DLGAP1: variants seen among roughly 807,000 people sequenced by gnomAD.
The protein encoded by DLGAP1 is disks large-associated protein 1.
Under a neutral mutation model 90.8 loss-of-function variants are expected in DLGAP1, and 11 were observed. The ratio of observed to expected loss-of-function variants is 0.12; its 90% CI spans 0.08 to 0.20. DLGAP1 has a LOEUF of 0.20. Among genes scored for constraint, DLGAP1 ranks in the 10% least tolerant of loss-of-function variants. The pLI, the probability that DLGAP1 is intolerant of heterozygous loss-of-function variation, is 1.00. For synonymous variants in DLGAP1, 558 were observed against 540.7 expected (o/e 1.03, Z -0.44); for missense variants, 1,050 against 1,333.8 (o/e 0.79, Z 3.31).
intron 5 of DLGAP1, among the ~76,000 whole-genome samples, chr18:3,804,766 T>C (rs1389878259): frequency 6.6e-6 from 1 of 152,252 alleles, no homozygotes; most frequent in Non-Finnish European, 1.5e-5. Context: ...CGTTAGCATT[T>C]GTTCAACATC....
chr18:4,267,159 A>G (rs1207715645), intron 1 of DLGAP1, among the ~76,000 whole-genome samples: 4 of 151,752 alleles, frequency 2.6e-5, no homozygotes, highest in Admixed American at 2.0e-4. Context: ...CTGAAGACCA[A>G]TATTTGTTTC....
intron 4 of DLGAP1, among the ~76,000 whole-genome samples, chr18:3,826,779 G>T (rs1298467707): frequency 6.6e-6 from 1 of 152,162 alleles, no homozygotes; most frequent in African/African-American, 2.4e-5. Context: ...AGAGAATCAC[G>T]CAGGTTGCTA....
At chr18:4,425,994 C>T (rs1037182965) in intron 1 of DLGAP1, among the ~76,000 whole-genome samples, 15 of 151,792 alleles carry the variant, frequency 9.9e-5, no homozygotes, top group Admixed American at 2.0e-4. Flanking sequence ...ATTGTGCAGG[C>T]TTTTTTTTTC....
chr18:4,067,631 C>G (rs1401090314), intron 2 of DLGAP1, among the ~76,000 whole-genome samples: 1 of 151,472 alleles, frequency 6.6e-6, no homozygotes, highest in Non-Finnish European at 1.5e-5. Context: ...ATGACCTATT[C>G]TCTCTGAAAC....
intron 1 of DLGAP1, among the ~76,000 whole-genome samples, chr18:4,182,645 G>A (rs970332993): frequency 5.3e-5 from 8 of 151,980 alleles, no homozygotes; most frequent in Non-Finnish European, 4.4e-5. Flanking sequence ...ATAAACTTCT[G>A]TTTGTTTTTC....
chr18:4,151,288 C>T lies in DLGAP1; in HGVS notation c.-266-1G>A, dbSNP rs1472119257. On this transcript the variant is annotated splice_acceptor_variant, in intron 1 of 12. Coordinates refer to ENST00000315677, the MANE Select transcript of DLGAP1 (RefSeq NM_004746.4). LOFTEE classifies it low-confidence loss of function (5UTR_SPLICE). The stretch of plus-strand genomic sequence containing the variant: ...TCTGGGTATCTGATGTTCAACTGCT[C>T]TGAAACATAACAATGCAATAATTAG... The T allele has an allele frequency of 6.6e-6, 1 of 152,016 alleles. No homozygotes were observed. Among genetic ancestry groups the T allele is most frequent in the East Asian group, 1.9e-4 (1 of 5,180 alleles). 9.4% of individuals were successfully genotyped at this position (152,016 alleles called of 1,614,324 possible).
chr18:3,920,352 C>CCAA (rs368825742), intron 3 of DLGAP1, among the ~76,000 whole-genome samples: 1 of 75,536 alleles, frequency 1.3e-5, no homozygotes, highest in Non-Finnish European at 2.4e-5. Context: ...AGACTCTGTC[C>CCAA]AAAAAAAAAA....
At chr18:4,106,031 CAAAAAA>C (rs60176243) in intron 2 of DLGAP1, among the ~76,000 whole-genome samples, 5 of 102,272 alleles carry the variant, frequency 4.9e-5, no homozygotes, top group East Asian at 3.3e-4. Context: ...GGGTCCGTCT[CAAAAAA>C]AAAAAAAAAA....
chr18:4,053,818 T>C (rs554437848), intron 2 of DLGAP1, among the ~76,000 whole-genome samples: 3 of 152,344 alleles, frequency 2.0e-5, no homozygotes, highest in Admixed American at 6.5e-5. Context: ...ACCTTGTTTC[T>C]GGAATTATGG....
chr18:3,523,672 C>T (rs768172873), intron 10 of DLGAP1, among the ~76,000 whole-genome samples: 103 of 151,848 alleles, frequency 6.8e-4, no homozygotes, highest in Non-Finnish European at 1.2e-3. Context: ...ACGGTGAAAC[C>T]CCGTCTCTAC....
intron 5 of DLGAP1, among the ~76,000 whole-genome samples, chr18:3,780,901 C>T (rs767471982): frequency 2.2e-4 from 33 of 152,082 alleles, no homozygotes; most frequent in Non-Finnish European, 3.8e-4. Context: ...CCTCGAATTC[C>T]TGGGCTCAAG....
intron 7 of DLGAP1, among the ~76,000 whole-genome samples, chr18:3,712,660 A>G (rs1358670757): frequency 1.3e-5 from 2 of 152,118 alleles, no homozygotes; most frequent in Non-Finnish European, 2.9e-5. Flanking sequence ...ATTACTGGGG[A>G]GCTTGTCAAG....
intron 2 of DLGAP1, among the ~76,000 whole-genome samples, chr18:4,118,666 T>TGGGGG (rs2076102167): frequency 1.8e-5 from 1 of 55,692 alleles, no homozygotes; most frequent in Non-Finnish European, 3.6e-5. Flanking sequence ...GGAGCTGGGG[T>TGGGGG]GGTGGTGGGA....
intron 2 of DLGAP1, among the ~76,000 whole-genome samples, chr18:4,009,625 T>C (rs2074378092): frequency 6.6e-6 from 1 of 152,216 alleles, no homozygotes; most frequent in South Asian, 2.1e-4. Flanking sequence ...GTTCTCTTCC[T>C]CCTTTGTTGC....
At chr18:3,755,176 C>G (rs2063670337) in intron 5 of DLGAP1, among the ~76,000 whole-genome samples, 1 of 151,444 alleles carries the variant, frequency 6.6e-6, no homozygotes, top group Non-Finnish European at 1.5e-5. Context: ...GATTTTTTCA[C>G]TAGAAAAAAT....
rs116955359 is a variant in DLGAP1 at position 3,959,969 on chromosome 18, T to C, written c.-73+45147A>G. 9.7e-3 allele frequency among the ~76,000 whole-genome samples: 1,478 copies of C among 152,322 alleles called. 17 individuals carry two copies. Among genetic ancestry groups the C allele is most frequent in the South Asian group, 0.051 (245 of 4,822 alleles). On this transcript the variant is annotated intron_variant, in intron 3 of 12. Coordinates refer to ENST00000315677, the MANE Select transcript of DLGAP1 (RefSeq NM_004746.4). ...AGCTTCTTTTCAAGAGCTCAACAGC[T>C]GCACATGACCAGTAGATAATACATT...
chr18:3,801,077 G>A (rs1263733453), intron 5 of DLGAP1, among the ~76,000 whole-genome samples: 3 of 152,118 alleles, frequency 2.0e-5, no homozygotes, highest in East Asian at 1.9e-4. Context: ...GGGAGCAAGA[G>A]GGTGGGGAGG....
intron 1 of DLGAP1, among the ~76,000 whole-genome samples, chr18:4,321,739 A>T (rs1038719151): frequency 6.6e-6 from 1 of 152,236 alleles, no homozygotes; most frequent in African/African-American, 2.4e-5. Flanking sequence ...TTTATCAGTT[A>T]AGACATTTCT....
At chr18:3,741,234 C>T (rs1380082730) in intron 6 of DLGAP1, among the ~76,000 whole-genome samples, 1 of 126,896 alleles carries the variant, frequency 7.9e-6, no homozygotes, top group African/African-American at 3.2e-5. Flanking sequence ...ACCATCACCA[C>T]CACCACCATC....
Sources: allele counts gnomAD v4.1 joint callset (sites outside exome capture counted in the v4.1 genomes callset), GRCh38; gene constraint gnomAD v4.1.1; transcripts MANE v1.5; gene names NCBI Gene and HGNC (gene_info 2026-07-23, HGNC 2026-07-21).